The following LRRC49 variants were observed in gnomAD, a reference collection of about 807,000 sequenced individuals.
LRRC49 encodes leucine rich repeat containing 49.
Under a neutral mutation model 83.3 loss-of-function variants are expected in LRRC49, and 50 were observed. The observed-to-expected ratio is 0.60, with a 90% CI of 0.48 to 0.76. The LOEUF (loss-of-function observed/expected upper bound fraction) is 0.76. Ranked by LOEUF, LRRC49 falls within the 30% of genes least tolerant of loss-of-function variation. The pLI is 0.00. For missense variants in LRRC49, 704 were observed against 809.1 expected (o/e 0.87, Z 1.58); for synonymous variants, 286 against 283.3 (o/e 1.01, Z -0.10).
intron 2 of LRRC49, among the ~76,000 whole-genome samples, chr15:70,876,177 T>C (rs1394329073): frequency 1.3e-5 from 2 of 152,184 alleles, no homozygotes; most frequent in Admixed American, 6.5e-5. Flanking sequence ...TTCATGTAAA[T>C]GCCTCTGAAA....
intron 8 of LRRC49, among the ~76,000 whole-genome samples, chr15:70,957,331 T>C (rs1461600319): frequency 6.6e-6 from 1 of 152,178 alleles, no homozygotes; most frequent in Non-Finnish European, 1.5e-5. Flanking sequence ...TAAAATTAAG[T>C]TTTCCAGCTT....
intron 1 of LRRC49, among the ~76,000 whole-genome samples, chr15:70,854,744 A>G (rs573556527): frequency 6.6e-6 from 1 of 152,292 alleles, no homozygotes; most frequent in East Asian, 1.9e-4. Flanking sequence ...GGAACTTGTT[A>G]GAAATTGAAT....
chr15:70,919,564 G>T (rs2034928109), intron 7 of LRRC49, among the ~76,000 whole-genome samples: 1 of 152,188 alleles, frequency 6.6e-6, no homozygotes, highest in Non-Finnish European at 1.5e-5. Flanking sequence ...GCACAGAGAG[G>T]AGAGATTGAG....
At chr15:70,895,722 A>C (rs1044659006) in intron 2 of LRRC49, 127 bp from the exon 3 acceptor site, 4 of 542,194 alleles carry the variant, frequency 7.4e-6, no homozygotes, top group Admixed American at 7.3e-5. Context: ...TTCACTTGGC[A>C]TGATGTTTTC....
chr15:70,854,237 G>GCGC lies in LRRC49; in HGVS notation c.-299+794_-299+796dup, dbSNP rs917152667. On this transcript the variant is annotated intron_variant, in intron 1 of 16. Coordinates refer to the LRRC49 transcript ENST00000544974. ...GACAGGGGTCGCGGCGCCCCGCCCC[G>GCGC]CGCCGCCGCCGCCGCCGCCGCCGCC... 203 of 388,040 alleles carry GCGC rather than the reference G, an allele frequency of 5.2e-4. 1 individual carries two copies. Among genetic ancestry groups the GCGC allele is most frequent in the South Asian group, 3.2e-3 (33 of 10,190 alleles). The allele number at this position is 388,040 out of a possible 1,614,324, so 24.0% of individuals were successfully genotyped here.
At chr15:70,961,058 T>A (rs556034367) in intron 8 of LRRC49, among the ~76,000 whole-genome samples, 90 of 152,120 alleles carry the variant, frequency 5.9e-4, no homozygotes, top group African/African-American at 2.0e-3. Flanking sequence ...ATCCAAATTT[T>A]AAAAAAATCT....
At chr15:70,904,498 G>A in intron 4 of LRRC49, 54 bp from the exon 5 acceptor site, 1 of 1,180,816 alleles carries the variant, frequency 8.5e-7, no homozygotes, top group Non-Finnish European at 1.2e-6. Flanking sequence ...ATATTTGTAA[G>A]AAGAGGTAAG....
intron 2 of LRRC49, among the ~76,000 whole-genome samples, chr15:70,885,118 G>A (rs1300033700): frequency 6.6e-6 from 1 of 151,516 alleles, no homozygotes; most frequent in Admixed American, 6.6e-5. Context: ...GTAGATATCC[G>A]ATTGCTTCTT....
chr15:70,867,339 G>T (rs2032935324), intron 1 of LRRC49, among the ~76,000 whole-genome samples: 1 of 152,098 alleles, frequency 6.6e-6, no homozygotes, highest in Admixed American at 6.5e-5. Context: ...GATGAGATTT[G>T]TTTTTTTCTT....
At chr15:71,031,797 G>C (rs1360679006) in intron 14 of LRRC49, among the ~76,000 whole-genome samples, 37 of 152,098 alleles carry the variant, frequency 2.4e-4, no homozygotes, top group Admixed American at 2.4e-3. Context: ...GCACTGTCAG[G>C]GGAAAACTGC....
chr15:70,883,025 G>T, intron 2 of LRRC49: 1 of 968,742 alleles, frequency 1.0e-6, no homozygotes, highest in Non-Finnish European at 1.5e-6. Flanking sequence ...ATATTAGTAA[G>T]GCTGATATTT....
chr15:70,950,072 T>G (rs570374256), intron 8 of LRRC49, among the ~76,000 whole-genome samples: 1 of 152,286 alleles, frequency 6.6e-6, no homozygotes, highest in African/African-American at 2.4e-5. Flanking sequence ...TATTTGGTTT[T>G]CTGTTCTTAT....
chr15:71,047,066 T>C (rs1370036783), intron 15 of LRRC49, among the ~76,000 whole-genome samples: 5 of 152,242 alleles, frequency 3.3e-5, no homozygotes, highest in Non-Finnish European at 7.3e-5. Context: ...TTTTTACCAG[T>C]ACCAAACTGT....
Position 71,052,198 on chromosome 15 carries a change from T to C in LRRC49, c.*2586T>C, listed in dbSNP as rs890946038. 1.3e-5 allele frequency: 2 copies of C among 152,176 alleles called. No individual in the cohort carries two copies. Among genetic ancestry groups the C allele is most frequent in the Non-Finnish European group, 2.9e-5 (2 of 68,068 alleles). 9.4% of individuals were successfully genotyped at this position (152,176 alleles called of 1,614,324 possible). A position where few individuals can be genotyped will look rare whatever the true frequency, so the allele number is the denominator to read the frequency against. ...TTCTTCTTGGAATTTTCCAGGGTTTTCAGGGAAGGGGAAGAGATGCAAATC... is the reference window on the plus strand; with the variant it reads ...TTCTTCTTGGAATTTTCCAGGGTTTCCAGGGAAGGGGAAGAGATGCAAATC... On this transcript the variant is annotated 3_prime_UTR_variant, in exon 16 of 16. Coordinates refer to ENST00000260382, the MANE Select transcript of LRRC49 (RefSeq NM_017691.5).
intron 1 of LRRC49, among the ~76,000 whole-genome samples, chr15:70,854,650 A>G (rs2032606326): frequency 6.6e-6 from 1 of 152,160 alleles, no homozygotes; most frequent in African/African-American, 2.4e-5. Flanking sequence ...GCGTCTTAGG[A>G]GGTCAGGGGC....
intron 5 of LRRC49, 39 bp downstream of exon 5, chr15:70,904,794 G>A (rs764234779): frequency 1.8e-5 from 26 of 1,444,212 alleles, no homozygotes; most frequent in African/African-American, 8.5e-5. Flanking sequence ...CTAATGTTAT[G>A]TGTAGGATTA....
intron 8 of LRRC49, among the ~76,000 whole-genome samples, chr15:70,950,998 C>A (rs953345747): frequency 6.6e-6 from 1 of 152,096 alleles, no homozygotes; most frequent in Non-Finnish European, 1.5e-5. Flanking sequence ...TATCTCAACA[C>A]CATTTATTGA....
chr15:70,970,483 A>T (rs145957398), intron 9 of LRRC49, among the ~76,000 whole-genome samples: 2 of 152,092 alleles, frequency 1.3e-5, no homozygotes, highest in Non-Finnish European at 2.9e-5. Context: ...TAGTATCAGG[A>T]TGATGCTGGC....
At chr15:71,011,396 C>T (rs973890693) in intron 13 of LRRC49, among the ~76,000 whole-genome samples, 3 of 151,938 alleles carry the variant, frequency 2.0e-5, no homozygotes, top group African/African-American at 2.4e-5. Context: ...TATTATCAAA[C>T]TTTGAATCAG....
Sources: gnomAD v4.1 joint callset for allele counts (sites outside exome capture counted in the v4.1 genomes callset) on GRCh38, gnomAD v4.1.1 for gene constraint, MANE v1.5 for transcripts, NCBI Gene and HGNC (gene_info 2026-07-23, HGNC 2026-07-21) for gene names.